MAOB: variants seen among roughly 807,000 people sequenced by gnomAD.
The protein encoded by MAOB is amine oxidase [flavin-containing] B.
Under a neutral mutation model 41.9 loss-of-function variants are expected in MAOB, and 15 were observed. That is an observed-to-expected ratio of 0.36 (90% CI 0.24 to 0.55). The LOEUF (loss-of-function observed/expected upper bound fraction) is 0.55, where lower values mean the gene tolerates loss of function less well. MAOB is among the 20% of genes least tolerant of loss of function. The pLI, the probability that MAOB is intolerant of heterozygous loss-of-function variation, is 0.86. For synonymous variants in MAOB, 167 were observed against 144.2 expected, an observed-to-expected ratio of 1.16 and a Z score of -1.13; for missense variants, 345 against 398.7, an observed-to-expected ratio of 0.87 and a Z score of 1.15.
rs1342852512 is a variant in MAOB, at chrX:43,795,796, G to A, written c.711C>T (p.Tyr237=). 8.3e-7 allele frequency: 1 copy of A among 1,209,171 alleles called. No individual in the cohort carries two copies. Among genetic ancestry groups the A allele is most frequent in the Non-Finnish European group, 1.1e-6 (1 of 894,440 alleles). The change falls in exon 7 of 15, where the codon TAC becomes TAT. Residue 237 remains tyrosine (Y), a synonymous_variant. Transcript: ENST00000378069. ...GGACATTTTCTCTTGTCTGGTCAATGTAGATCACAGGCCTCTCCAGCTTCA... is the reference window on the plus strand; with the variant it reads ...GGACATTTTCTCTTGTCTGGTCAATATAGATCACAGGCCTCTCCAGCTTCA... The part of the protein sequence containing the change: ...DRVKLERPVI[Y]IDQTRENVLV...
At chrX:43,877,634 C>T (rs2035448280) in intron 1 of MAOB, among the ~76,000 whole-genome samples, 1 of 111,581 alleles carries the variant, frequency 9.0e-6, no homozygotes, top group Non-Finnish European at 1.9e-5. Context: ...GTAGTTAAGA[C>T]AGGAATCAAA....
chrX:43,797,766 T>C (rs1275748060), intron 5 of MAOB, among the ~76,000 whole-genome samples: 1 of 112,115 alleles, frequency 8.9e-6, no homozygotes, highest in African/African-American at 3.2e-5. Flanking sequence ...CCTCTCTGCC[T>C]CCATTCATCC....
At chrX:43,875,046 T>A (rs1049795654) in intron 1 of MAOB, among the ~76,000 whole-genome samples, 8 of 112,316 alleles carry the variant, frequency 7.1e-5, no homozygotes, top group African/African-American at 2.6e-4. Flanking sequence ...TAACAGGGAC[T>A]TGGCTTTCTG....
At chrX:43,774,726 T>C (rs2034230074) in intron 12 of MAOB, among the ~76,000 whole-genome samples, 1 of 111,858 alleles carries the variant, frequency 8.9e-6, no homozygotes, top group African/African-American at 3.3e-5. Flanking sequence ...TACTGAGTCC[T>C]AACTCAGTAT....
intron 13 of MAOB, 72 bp from the exon 14 acceptor site, chrX:43,768,788 C>A: frequency 1.2e-6 from 1 of 866,175 alleles, no homozygotes; most frequent in Non-Finnish European, 1.7e-6. Context: ...CCCTAAAGGA[C>A]TAAGTAACTG....
At chrX:43,801,940 G>A (rs1326566816) in intron 5 of MAOB, among the ~76,000 whole-genome samples, 1 of 112,801 alleles carries the variant, frequency 8.9e-6, no homozygotes, top group Non-Finnish European at 1.9e-5. Flanking sequence ...CTGTTCTGAG[G>A]ACTTCACAGG....
intron 1 of MAOB, among the ~76,000 whole-genome samples, chrX:43,859,329 TA>T (rs2035317476): frequency 1.8e-5 from 2 of 111,971 alleles, no homozygotes; most frequent in Admixed American, 1.9e-4. Context: ...AAGAATACTT[TA>T]ACATCTCTTT....
chrX:43,798,717 G>A (rs756391900), intron 5 of MAOB, among the ~76,000 whole-genome samples: 29 of 111,643 alleles, frequency 2.6e-4, no homozygotes, highest in Non-Finnish European at 5.5e-4. Context: ...TGTTAATCTT[G>A]TTATATCTGA....
chrX:43,859,484 G>A (rs150579427), intron 1 of MAOB, among the ~76,000 whole-genome samples: 2,233 of 111,103 alleles, frequency 0.02, 47 homozygotes, highest in African/African-American at 0.067. Context: ...GACACCATCC[G>A]ACCTCCATCC....
intron 1 of MAOB, among the ~76,000 whole-genome samples, chrX:43,869,617 T>A (rs1311193458): frequency 8.9e-6 from 1 of 112,259 alleles, no homozygotes. Flanking sequence ...AGTTGTCTCT[T>A]CTGCCCTGTT....
At chrX:43,786,015 G>A (rs1329722890) in intron 8 of MAOB, among the ~76,000 whole-genome samples, 2 of 111,531 alleles carry the variant, frequency 1.8e-5, no homozygotes, top group Non-Finnish European at 3.8e-5. Flanking sequence ...AAATGATGCC[G>A]ATAAACCTGC....
intron 1 of MAOB, among the ~76,000 whole-genome samples, chrX:43,872,273 TA>T: frequency 8.9e-6 from 1 of 112,161 alleles, no homozygotes; most frequent in Admixed American, 9.5e-5. Flanking sequence ...TTGCCACCAC[TA>T]AAATGTTACA....
At chrX:43,783,082 A>C (rs2034355451) in intron 8 of MAOB, among the ~76,000 whole-genome samples, 1 of 112,240 alleles carries the variant, frequency 8.9e-6, no homozygotes, top group Non-Finnish European at 1.9e-5. Flanking sequence ...AAACCAGCAC[A>C]AGACAAGGAT....
At chrX:43,843,852 G>A (rs974002839) in intron 1 of MAOB, 88 bp from the exon 2 acceptor site, 1 of 1,129,896 alleles carries the variant, frequency 8.9e-7, no homozygotes, top group Non-Finnish European at 1.2e-6. Flanking sequence ...AAAAGTCCAT[G>A]CTGGCTCACG....
chrX:43,812,545 G>A (rs2034761379), intron 3 of MAOB, among the ~76,000 whole-genome samples: 1 of 112,123 alleles, frequency 8.9e-6, no homozygotes, highest in Non-Finnish European at 1.9e-5. Flanking sequence ...ATTTTAACTG[G>A]GGTGAGATGC....
chrX:43,827,938 G>T, intron 3 of MAOB, among the ~76,000 whole-genome samples: 1 of 112,061 alleles, frequency 8.9e-6, no homozygotes, highest in Middle Eastern at 4.6e-3. Context: ...ACATAGACAA[G>T]ATGTCAACAG....
chrX:43,824,163 C>T lies in MAOB; in HGVS notation c.279+14705G>A, dbSNP rs185687724. Reference sequence around the variant, plus strand: ...CTGTGAGTTTCAAAGCTAGAGAACACAGCAGGATCCTAAGAATACTTCAAT... The same window carrying T: ...CTGTGAGTTTCAAAGCTAGAGAACATAGCAGGATCCTAAGAATACTTCAAT... On this transcript the variant is annotated intron_variant, in intron 3 of 14. Coordinates refer to ENST00000378069, the MANE Select transcript of MAOB (RefSeq NM_000898.5). Among the ~76,000 whole-genome samples, 589 of 112,257 alleles carry T rather than the reference C, an allele frequency of 5.2e-3. 4 individuals carry two copies. The highest frequency in any genetic ancestry group is 0.017 in the African/African-American group (537 of 30,871).
intron 3 of MAOB, among the ~76,000 whole-genome samples, chrX:43,834,855 G>T (rs749593446): frequency 2.7e-5 from 3 of 112,721 alleles, no homozygotes; most frequent in East Asian, 2.8e-4. Context: ...AAGTCCTTTT[G>T]CTCAGCTTCT....
intron 1 of MAOB, among the ~76,000 whole-genome samples, chrX:43,855,917 C>A (rs1042718664): frequency 3.7e-4 from 41 of 111,459 alleles, no homozygotes; most frequent in African/African-American, 1.1e-3. Flanking sequence ...CAGTCGGTGT[C>A]TCTGGCAGCA....
Sources: gnomAD v4.1 joint callset for allele counts (sites outside exome capture counted in the v4.1 genomes callset) on GRCh38, gnomAD v4.1.1 for gene constraint, MANE v1.5 for transcripts, NCBI Gene and HGNC (gene_info 2026-07-23, HGNC 2026-07-21) for gene names.